The following EXOC2 variants were observed in gnomAD, a reference collection of about 807,000 sequenced individuals.
The protein encoded by EXOC2 is exocyst complex component 2, also known as SEC5-like 1.
A neutral mutation model predicts 131.8 loss-of-function variants in EXOC2; 70 were observed. That is an observed-to-expected ratio of 0.53 (90% CI 0.44 to 0.65). The LOEUF (loss-of-function observed/expected upper bound fraction) is 0.65, where lower values mean the gene tolerates loss of function less well. Ranked by LOEUF, EXOC2 falls within the 30% of genes least tolerant of loss-of-function variation. EXOC2 has a pLI of 0.00. For synonymous variants in EXOC2, 411 were observed against 398.4 expected (o/e 1.03, Z -0.38); for missense variants, 923 against 1,108.6 (o/e 0.83, Z 2.38).
chr6:512,969 T>C (rs555747009), intron 23 of EXOC2, among the ~76,000 whole-genome samples: 3 of 152,216 alleles, frequency 2.0e-5, no homozygotes, highest in African/African-American at 7.2e-5. Flanking sequence ...GTTTTCAATA[T>C]GAACCAAAGC....
chr6:545,153 CAAAAAAAA>C (rs36051866), intron 22 of EXOC2, among the ~76,000 whole-genome samples: 3 of 85,494 alleles, frequency 3.5e-5, no homozygotes, highest in Non-Finnish European at 6.4e-5. Context: ...GACTCCGTCT[CAAAAAAAA>C]AAAAAAAAAA....
At chr6:560,304 T>A (rs1326174606) in intron 17 of EXOC2, among the ~76,000 whole-genome samples, 1 of 152,204 alleles carries the variant, frequency 6.6e-6, no homozygotes. Flanking sequence ...ATGGCTTCTT[T>A]AGGACCACAT....
chr6:632,238 T>C (rs1761892272), intron 3 of EXOC2, among the ~76,000 whole-genome samples: 1 of 152,334 alleles, frequency 6.6e-6, no homozygotes, highest in Middle Eastern at 3.4e-3. Flanking sequence ...TCCTATGAGG[T>C]AGCCAATATA....
chr6:681,004 TAAG>T (rs1764378952), intron 1 of EXOC2, among the ~76,000 whole-genome samples: 1 of 152,152 alleles, frequency 6.6e-6, no homozygotes, highest in Non-Finnish European at 1.5e-5. Context: ...ATTCCTGCCA[TAAG>T]AAGCTATAAG....
intron 23 of EXOC2, among the ~76,000 whole-genome samples, chr6:526,432 A>ATTTTTTT (rs70985804): frequency 9.2e-5 from 7 of 76,006 alleles, no homozygotes; most frequent in African/African-American, 2.6e-4. Context: ...TTCTTTGTGG[A>ATTTTTTT]TTTTTTTTTT....
intron 1 of EXOC2, among the ~76,000 whole-genome samples, chr6:660,253 G>A (rs1053164888): frequency 7.2e-6 from 1 of 139,200 alleles, no homozygotes; most frequent in African/African-American, 2.7e-5. Flanking sequence ...GGGAGTTCTA[G>A]GGCCCCGCCC....
intron 22 of EXOC2, among the ~76,000 whole-genome samples, chr6:539,458 G>A (rs184150591): frequency 2.0e-5 from 3 of 151,730 alleles, no homozygotes; most frequent in East Asian, 1.9e-4. Context: ...CAGCAATCAC[G>A]TACACTCAAC....
intron 1 of EXOC2, among the ~76,000 whole-genome samples, chr6:672,218 G>GTGCT (rs1483533476): frequency 2.6e-5 from 4 of 152,124 alleles, no homozygotes; most frequent in African/African-American, 9.6e-5. Flanking sequence ...GCCTACTGAT[G>GTGCT]TGCTCATCAA....
intron 1 of EXOC2, among the ~76,000 whole-genome samples, chr6:659,355 A>G (rs1214317844): frequency 6.6e-6 from 1 of 152,142 alleles, no homozygotes; most frequent in Non-Finnish European, 1.5e-5. Context: ...GAGTCTTTTT[A>G]GGTGTTTTCC....
intron 10 of EXOC2, among the ~76,000 whole-genome samples, chr6:594,703 G>C (rs1043549606): frequency 1.3e-5 from 2 of 152,138 alleles, no homozygotes; most frequent in South Asian, 4.2e-4. Context: ...TTATTAACGG[G>C]TATTAAAGTA....
intron 23 of EXOC2, among the ~76,000 whole-genome samples, chr6:511,053 T>C (rs1022114761): frequency 5.9e-5 from 9 of 152,374 alleles, no homozygotes; most frequent in African/African-American, 2.2e-4. Flanking sequence ...TCAAAACCAA[T>C]GACTGCTATG....
At chr6:574,291 T>C (rs138343298) in intron 12 of EXOC2, among the ~76,000 whole-genome samples, 11 of 152,338 alleles carry the variant, frequency 7.2e-5, no homozygotes, top group Admixed American at 2.6e-4. Flanking sequence ...TTTTGATAGA[T>C]ATTATTGAAC....
At chr6:527,207 AAATC>A (rs1328031464) in intron 23 of EXOC2, among the ~76,000 whole-genome samples, 6 of 152,230 alleles carry the variant, frequency 3.9e-5, no homozygotes, top group Non-Finnish European at 8.8e-5. Context: ...CATTTTTTGA[AAATC>A]AAACAAAAAT....
At chr6:579,212 CTGGTAT>C (rs1481822067) in intron 11 of EXOC2, among the ~76,000 whole-genome samples, 2 of 152,228 alleles carry the variant, frequency 1.3e-5, no homozygotes, top group Non-Finnish European at 2.9e-5. Context: ...CTCCTTATAA[CTGGTAT>C]TTTTATAACT....
At chr6:650,956 C>T (rs1762799855) in intron 1 of EXOC2, among the ~76,000 whole-genome samples, 3 of 151,294 alleles carry the variant, frequency 2.0e-5, no homozygotes, top group South Asian at 2.1e-4. Context: ...GAAACAAACA[C>T]GATAAGCAAT....
intron 6 of EXOC2, among the ~76,000 whole-genome samples, chr6:614,554 G>C (rs1760885607): frequency 6.6e-6 from 1 of 152,194 alleles, no homozygotes; most frequent in Non-Finnish European, 1.5e-5. Flanking sequence ...ACTGAGTTCT[G>C]TGAGTCCTTC....
intron 4 of EXOC2, among the ~76,000 whole-genome samples, chr6:621,166 T>C (rs570296751): frequency 2.6e-5 from 4 of 152,310 alleles, no homozygotes; most frequent in African/African-American, 9.6e-5. Context: ...CACCTGGACA[T>C]GGAGAACACC....
At chr6:622,602 A>T (rs1377909120) in intron 4 of EXOC2, among the ~76,000 whole-genome samples, 1 of 152,236 alleles carries the variant, frequency 6.6e-6, no homozygotes, top group African/African-American at 2.4e-5. Context: ...AAAATACAGC[A>T]GCTGCATGCC....
chr6:657,336 A>C, intron 1 of EXOC2: 1 of 162,440 alleles, frequency 6.2e-6, no homozygotes, highest in Non-Finnish European at 1.3e-5. Flanking sequence ...ATCTTCATCA[A>C]TCGGCATATA....
Sources: gnomAD v4.1 joint callset for allele counts (sites outside exome capture counted in the v4.1 genomes callset) on GRCh38, gnomAD v4.1.1 for gene constraint, MANE v1.5 for transcripts, NCBI Gene and HGNC (gene_info 2026-07-23, HGNC 2026-07-21) for gene names.